ACBD5: variants seen among roughly 807,000 people sequenced by gnomAD.
The protein encoded by ACBD5 is acyl-CoA binding domain containing 5.
ACBD5 carries 40 observed loss-of-function variants against 71.8 expected under a neutral mutation model. That is an observed-to-expected ratio of 0.56 (90% CI 0.43 to 0.72). The LOEUF is 0.72. ACBD5 is among the 30% of genes least tolerant of loss of function. ACBD5 has a pLI of 0.00. For synonymous variants in ACBD5, 229 were observed against 218.6 expected (o/e 1.05, Z -0.42); for missense variants, 559 against 644.5 (o/e 0.87, Z 1.44).
downstream of ACBD5, among the ~76,000 whole-genome samples, chr10:27,194,287 T>C (rs2059209020): frequency 6.7e-6 from 1 of 149,812 alleles, no homozygotes; most frequent in South Asian, 2.1e-4. Flanking sequence ...CTCATCATTT[T>C]CCACATAAGA....
chr10:27,198,898 T>C (rs1451236251), intron 12 of ACBD5, among the ~76,000 whole-genome samples: 1 of 151,970 alleles, frequency 6.6e-6, no homozygotes, highest in Non-Finnish European at 1.5e-5. Context: ...ATCACGAGGT[T>C]GGGAGATCAA....
intron 8 of ACBD5, among the ~76,000 whole-genome samples, chr10:27,212,056 A>G (rs1406754886): frequency 2.0e-5 from 3 of 152,188 alleles, no homozygotes; most frequent in African/African-American, 7.2e-5. Context: ...GTGTTAACAG[A>G]GGCCAGCAAG....
At chr10:27,183,218 AG>A (rs2058428121) in intron 13 of ACBD5, among the ~76,000 whole-genome samples, 1 of 152,154 alleles carries the variant, frequency 6.6e-6, no homozygotes, top group Admixed American at 6.6e-5. Flanking sequence ...GAGTATATTA[AG>A]CCCTAATTTG....
At chr10:27,213,640 C>T (rs939605058) in intron 8 of ACBD5, among the ~76,000 whole-genome samples, 1 of 151,958 alleles carries the variant, frequency 6.6e-6, no homozygotes, top group African/African-American at 2.4e-5. Flanking sequence ...GTCTGTAATC[C>T]CAGCTACTCG....
intron 4 of ACBD5, among the ~76,000 whole-genome samples, chr10:27,224,242 C>T (rs978869746): frequency 3.3e-5 from 5 of 150,866 alleles, no homozygotes; most frequent in Admixed American, 1.3e-4. Context: ...CCAGACATGG[C>T]GGTGCACGCC....
At chr10:27,225,921 C>T (rs2062955076) in intron 4 of ACBD5, among the ~76,000 whole-genome samples, 1 of 151,972 alleles carries the variant, frequency 6.6e-6, no homozygotes, top group Admixed American at 6.6e-5. Flanking sequence ...TTAACTTTGT[C>T]CTTATTTTTA....
chr10:27,185,767 C>T (rs894367660), intron 13 of ACBD5, among the ~76,000 whole-genome samples: 1 of 143,632 alleles, frequency 7.0e-6, no homozygotes, highest in African/African-American at 2.6e-5. Context: ...AGATTGGGCA[C>T]TGGAGAGAGA....
At position 27,197,269 on chromosome 10, in the gene ACBD5, G is replaced by C. The variant is rs2059453805; in HGVS notation, c.*161C>G. The C allele has an allele frequency of 4.1e-6, 3 of 725,814 alleles. No individual in the cohort carries two copies. The African/African-American group carries it at 5.2e-5, about 13-fold the overall frequency. The allele number at this position is 725,814 out of a possible 1,614,324, so 45.0% of individuals were successfully genotyped here. A position where few individuals can be genotyped will look rare whatever the true frequency, so the allele number is the denominator to read the frequency against. ...TCCTTAAAATGTTATCGTTTGTGTA[G>C]TGCAAAATATATATGTGTATATATG... On this transcript the variant is annotated 3_prime_UTR_variant, in exon 13 of 13. Transcript: ENST00000396271.
At chr10:27,197,538 A>G in intron 12 of ACBD5, 96 bp from the exon 13 acceptor site, 1 of 985,096 alleles carries the variant, frequency 1.0e-6, no homozygotes. Context: ...AATTCAAAAT[A>G]AAACCATAAT....
In ACBD5 at chr10:27,205,223, T is replaced by A; in HGVS notation, c.1430A>T (p.Gln477Leu). 6.2e-7 allele frequency: 1 copy of A among 1,613,430 alleles called. No homozygotes were observed. Among genetic ancestry groups the A allele is most frequent in the East Asian group, 2.2e-5 (1 of 44,854 alleles). The change falls in exon 11 of 13, where the codon CAG becomes CTG. Residue 477 changes from glutamine (Q) to leucine (L), a missense_variant. Gln to Leu is a moderately radical substitution (Grantham distance 113). Transcript: ENST00000396271. Reference protein sequence around the residue: ...LQAKSSTSTLQTAPQPTSQRP... With the variant: ...LQAKSSTSTLLTAPQPTSQRP... The stretch of plus-strand genomic sequence containing the variant: ...CTGTGAGGTGGGCTGAGGAGCAGTC[T>A]GCAATGTTGATGTTGATGATTTTGC...
At chr10:27,206,356 C>T (rs7087021) in intron 10 of ACBD5, among the ~76,000 whole-genome samples, 7,345 of 151,458 alleles carry the variant, frequency 0.048, 548 homozygotes, top group African/African-American at 0.16. Flanking sequence ...TGGCTCACGC[C>T]TATAATCCCA....
At position 27,196,980 on chromosome 10, in the gene ACBD5, T is replaced by C. The variant is rs1230765607; in HGVS notation, c.*450A>G. The C allele has an allele frequency of 4.4e-6, 2 of 454,056 alleles. No individual in the cohort carries two copies. Among genetic ancestry groups the C allele is most frequent in the Non-Finnish European group, 8.8e-6 (2 of 226,662 alleles). 28.1% of individuals were successfully genotyped at this position (454,056 alleles called of 1,614,324 possible). A position where few individuals can be genotyped will look rare whatever the true frequency, so the allele number is the denominator to read the frequency against. ...TGACTAAGATATAAAGTCGATTACATCTCATTTGAAATTCACTCCTGGTTT... is the reference window on the plus strand; with the variant it reads ...TGACTAAGATATAAAGTCGATTACACCTCATTTGAAATTCACTCCTGGTTT... On this transcript the variant is annotated 3_prime_UTR_variant, in exon 13 of 13. Transcript: ENST00000396271.
chr10:27,221,970 G>A (rs2062408030), intron 5 of ACBD5, among the ~76,000 whole-genome samples: 1 of 148,724 alleles, frequency 6.7e-6, no homozygotes, highest in African/African-American at 2.5e-5. Context: ...TTTTTTCTCT[G>A]AATTGAATAA....
chr10:27,235,335 T>C, intron 2 of ACBD5, 123 bp from the exon 3 acceptor site: 1 of 1,256,110 alleles, frequency 8.0e-7, no homozygotes, highest in Non-Finnish European at 1.1e-6. Context: ...TAATGATTTA[T>C]TTCTAGCTTA....
chr10:27,236,628 C>T (rs897566270), intron 2 of ACBD5, among the ~76,000 whole-genome samples: 1 of 152,122 alleles, frequency 6.6e-6, no homozygotes, highest in Non-Finnish European at 1.5e-5. Flanking sequence ...GTGGCTCACA[C>T]CTGTAATCCT....
At chr10:27,198,571 C>T (rs2059592505) in intron 12 of ACBD5, among the ~76,000 whole-genome samples, 1 of 152,140 alleles carries the variant, frequency 6.6e-6, no homozygotes, top group South Asian at 2.1e-4. Flanking sequence ...GCAGGAGTGA[C>T]ATTTTAAATA....
intron 9 of ACBD5, among the ~76,000 whole-genome samples, chr10:27,210,194 T>C (rs2060915898): frequency 6.6e-6 from 1 of 152,240 alleles, no homozygotes; most frequent in Non-Finnish European, 1.5e-5. Flanking sequence ...AAGTTTTGTT[T>C]TGAATAATAA....
intron 10 of ACBD5, among the ~76,000 whole-genome samples, chr10:27,207,495 T>C (rs911194678): frequency 2.6e-5 from 4 of 152,184 alleles, no homozygotes; most frequent in African/African-American, 9.6e-5. Flanking sequence ...TCTTCTTTGA[T>C]TAATCCCTAC....
At chr10:27,228,809 ATATATATTTT>A (rs1410013313) in intron 4 of ACBD5, among the ~76,000 whole-genome samples, 66 of 14,806 alleles carry the variant, frequency 4.5e-3, no homozygotes, top group African/African-American at 5.3e-3. Context: ...ATATATATAT[ATATATATTTT>A]TTTTTTTTTT....
Sources: gnomAD v4.1 joint callset for allele counts (sites outside exome capture counted in the v4.1 genomes callset) on GRCh38, gnomAD v4.1.1 for gene constraint, MANE v1.5 for transcripts, NCBI Gene and HGNC (gene_info 2026-07-23, HGNC 2026-07-21) for gene names.